The following CECR2 variants were observed in gnomAD, a reference collection of about 807,000 sequenced individuals.
The protein encoded by CECR2 is CECR2 histone acetyl-lysine reader, also known as chromatin remodeling regulator CECR2.
A neutral mutation model predicts 154.5 loss-of-function variants in CECR2; 30 were observed. The ratio of observed to expected loss-of-function variants is 0.19; its 90% confidence interval spans 0.15 to 0.26. The LOEUF is 0.26. CECR2 is among the 10% of genes least tolerant of loss of function. The pLI, the probability that CECR2 is intolerant of heterozygous loss-of-function variation, is 1.00. For missense variants in CECR2, 1,743 were observed against 1,829.3 expected (o/e 0.95, Z 0.86); for synonymous variants, 725 against 683.7 (o/e 1.06, Z -0.94).
rs1302717319 is a variant in CECR2 at position 17,369,481 on chromosome 22, T to C, written c.-303T>C. On this transcript the variant is annotated 5_prime_UTR_variant, in exon 1 of 19. Coordinates refer to ENST00000262608, the MANE Select transcript of CECR2 (RefSeq NM_001290047.2). ...CCCCATCTGTTTCTCCGGCGGGGAC[T>C]CGATTATATTGTAGGGGACTGGGGG... 2 of 148,414 alleles carry C rather than the reference T, an allele frequency of 1.3e-5. No individual in the cohort carries two copies. Among genetic ancestry groups the C allele is most frequent in the African/African-American group, 4.9e-5 (2 of 40,520 alleles). The allele number at this position is 148,414 out of a possible 1,614,324, so 9.2% of individuals were successfully genotyped here.
At chr22:17,372,721 C>T (rs1009361087) in intron 1 of CECR2, among the ~76,000 whole-genome samples, 1 of 152,038 alleles carries the variant, frequency 6.6e-6, no homozygotes, top group African/African-American at 2.4e-5. Context: ...CCGAGCCGTA[C>T]CTGTTAGGCC....
At chr22:17,489,756 C>A (rs1237138162) in intron 2 of CECR2, among the ~76,000 whole-genome samples, 1 of 152,116 alleles carries the variant, frequency 6.6e-6, no homozygotes, top group African/African-American at 2.4e-5. Context: ...CCATTCCAGG[C>A]CTTATCAACT....
At chr22:17,514,439 C>T (rs983286411) in intron 8 of CECR2, among the ~76,000 whole-genome samples, 4 of 152,172 alleles carry the variant, frequency 2.6e-5, no homozygotes, top group South Asian at 4.1e-4. Flanking sequence ...ATTAGCTTCT[C>T]ATTAAAAACC....
intron 1 of CECR2, among the ~76,000 whole-genome samples, chr22:17,468,142 AGGGATTTGTGGAAGAAAGG>A (rs530797981): frequency 2.0e-3 from 310 of 152,300 alleles, no homozygotes; most frequent in African/African-American, 7.2e-3. Flanking sequence ...GTTAAGAAAA[AGGGATTTGTGGAAGAAAGG>A]GGAGTATGCC....
At chr22:17,536,622 G>A (rs759659246) in intron 9 of CECR2, among the ~76,000 whole-genome samples, 61 of 152,300 alleles carry the variant, frequency 4.0e-4, no homozygotes, top group Admixed American at 8.5e-4. Flanking sequence ...AACGCAGAAC[G>A]GCAAGAGCTG....
At chr22:17,414,300 C>T (rs1222595285) in intron 1 of CECR2, among the ~76,000 whole-genome samples, 1 of 152,162 alleles carries the variant, frequency 6.6e-6, no homozygotes, top group African/African-American at 2.4e-5. Flanking sequence ...ACTCTAGATC[C>T]CTAGGAGACA....
At chr22:17,502,901 C>A (rs1478963758) in intron 5 of CECR2, among the ~76,000 whole-genome samples, 181 bp from the exon 6 acceptor site, 1 of 152,194 alleles carries the variant, frequency 6.6e-6, no homozygotes, top group African/African-American at 2.4e-5. Flanking sequence ...CCCTCCTAGA[C>A]CAGCATGCCT....
chr22:17,464,610 C>T (rs1463032594), intron 1 of CECR2, among the ~76,000 whole-genome samples: 2 of 152,158 alleles, frequency 1.3e-5, no homozygotes, highest in South Asian at 4.2e-4. Flanking sequence ...AGCAGTCCTC[C>T]CTCTGCAGCC....
chr22:17,393,214 C>T (rs2053757492), intron 1 of CECR2, among the ~76,000 whole-genome samples: 1 of 152,172 alleles, frequency 6.6e-6, no homozygotes, highest in South Asian at 2.1e-4. Context: ...AAGCAAATTA[C>T]TCTCTGCTTT....
In CECR2 at chr22:17,548,236, T is replaced by G. The variant is rs1314231161; in HGVS notation, c.2949T>G (p.Pro983=). The G allele has an allele frequency of 6.3e-7, 1 of 1,589,060 alleles. No individual in the cohort carries two copies. The highest frequency in any genetic ancestry group is 8.6e-7 in the Non-Finnish European group (1 of 1,168,086). Residue 983 remains proline (P), a synonymous_variant, in exon 17 of 19, where the codon CCT becomes CCG. Coordinates refer to ENST00000262608, the MANE Select transcript of CECR2 (RefSeq NM_001290047.2). The part of the protein sequence containing the change: ...VYLTQLPHPT[P]PLQTDCTRQS... The stretch of plus-strand genomic sequence containing the variant: ...TCACACAACTACCTCACCCCACACC[T>G]CCCCTGCAGACTGACTGCACCAGGC...
rs117379820 is a variant in CECR2 at position 17,372,128 on chromosome 22, T to G, written c.126+2219T>G. 3.6e-3 allele frequency among the ~76,000 whole-genome samples: 545 copies of G among 152,300 alleles called. 4 individuals carry two copies. Among genetic ancestry groups the G allele is most frequent in the East Asian group, 0.023 (120 of 5,184 alleles). On this transcript the variant is annotated intron_variant, in intron 1 of 18. Transcript: ENST00000262608. ...TAAAATACATGCTGTTTGAAATACA[T>G]GCAACAGAAATGAATATTTGGCTTC...
In CECR2 at chr22:17,504,826, A is replaced by G. The variant is rs771039207; in HGVS notation, c.701-21A>G. 29 of 1,607,374 alleles carry G rather than the reference A, an allele frequency of 1.8e-5. No individual in the cohort carries two copies. The Admixed American group carries it at 2.2e-4, about 12-fold the overall frequency. On this transcript the variant is annotated intron_variant, in intron 6 of 18. Coordinates refer to ENST00000262608, the MANE Select transcript of CECR2 (RefSeq NM_001290047.2). ...GTCCTCATGGGATCTCCTGTAGTGA[A>G]TCCGTTCCTTTATTTTCTAGGGTCC...
At chr22:17,385,574 G>A (rs1185503770) in intron 1 of CECR2, among the ~76,000 whole-genome samples, 2 of 152,124 alleles carry the variant, frequency 1.3e-5, no homozygotes, top group Non-Finnish European at 2.9e-5. Context: ...ATTTACAGTT[G>A]TAATATCCAA....
intron 1 of CECR2, among the ~76,000 whole-genome samples, chr22:17,408,457 T>C (rs1028977312): frequency 3.3e-5 from 5 of 152,130 alleles, no homozygotes; most frequent in Non-Finnish European, 5.9e-5. Context: ...AGAATGCCAT[T>C]TTTTTCTAAG....
At chr22:17,422,975 C>G (rs2518735) in intron 1 of CECR2, among the ~76,000 whole-genome samples, 50,941 of 151,946 alleles carry the variant, frequency 0.34, 8,925 homozygotes, top group African/African-American at 0.45. Context: ...TTTCCTGCCT[C>G]ATAATTCCAC....
chr22:17,409,007 C>CACCT (rs1426404644), intron 1 of CECR2, among the ~76,000 whole-genome samples: 1 of 152,260 alleles, frequency 6.6e-6, no homozygotes, highest in East Asian at 1.9e-4. Flanking sequence ...AGGGCCTTTG[C>CACCT]ACCTGCTCAT....
At chr22:17,442,101 T>TTTACCTA (rs1325388741) in intron 1 of CECR2, among the ~76,000 whole-genome samples, 1 of 152,090 alleles carries the variant, frequency 6.6e-6, no homozygotes, top group African/African-American at 2.4e-5. Context: ...TATCAACAGC[T>TTTACCTA]TTACCTATTT....
intron 1 of CECR2, among the ~76,000 whole-genome samples, chr22:17,399,583 A>G (rs2053861978): frequency 6.6e-6 from 1 of 151,724 alleles, no homozygotes. Flanking sequence ...ATGCCCAGCT[A>G]ATTTTTGTAT....
At chr22:17,416,432 T>A (rs868775944) in intron 1 of CECR2, among the ~76,000 whole-genome samples, 1 of 152,188 alleles carries the variant, frequency 6.6e-6, no homozygotes, top group Non-Finnish European at 1.5e-5. Flanking sequence ...ATGCTCTGAA[T>A]GATAAAATGG....
Sources: allele counts gnomAD v4.1 joint callset (sites outside exome capture counted in the v4.1 genomes callset), GRCh38; gene constraint gnomAD v4.1.1; transcripts MANE v1.5; gene names NCBI Gene and HGNC (gene_info 2026-07-23, HGNC 2026-07-21).